Variants in FOXO3 observed in about 807,000 individuals in gnomAD.
FOXO3 encodes the protein forkhead box O3, also known as forkhead box protein O3.
FOXO3 carries 4 observed loss-of-function variants against 41.9 expected under a neutral mutation model. That is an observed-to-expected ratio of 0.10 (90% CI 0.05 to 0.22). The LOEUF (loss-of-function observed/expected upper bound fraction) is 0.22, where lower values mean the gene tolerates loss of function less well. Among genes scored for constraint, FOXO3 ranks in the 10% least tolerant of loss-of-function variants. FOXO3 has a pLI of 1.00. For missense variants in FOXO3, 534 were observed against 906.8 expected (o/e 0.59, Z 5.28); for synonymous variants, 318 against 389.3 (o/e 0.82, Z 2.16).
At chr6:108,661,249 G>A (rs561080901) in intron 1 of FOXO3, among the ~76,000 whole-genome samples, 7 of 151,960 alleles carry the variant, frequency 4.6e-5, no homozygotes, top group South Asian at 2.1e-4. Context: ...CTCGGGCGGC[G>A]GGGGGAACAT....
At chr6:108,642,366 C>G (rs1352294822) in intron 1 of FOXO3, among the ~76,000 whole-genome samples, 1 of 152,088 alleles carries the variant, frequency 6.6e-6, no homozygotes, top group Admixed American at 6.6e-5. Context: ...GCTGGTGTTA[C>G]AGGTCTGAGC....
At chr6:108,601,332 C>G (rs1388312135) in intron 1 of FOXO3, among the ~76,000 whole-genome samples, 1 of 152,090 alleles carries the variant, frequency 6.6e-6, no homozygotes, top group Non-Finnish European at 1.5e-5. Context: ...GAGACAGAGT[C>G]TTGCTCTGTT....
intron 1 of FOXO3, among the ~76,000 whole-genome samples, chr6:108,565,621 G>T (rs1775929743): frequency 6.6e-6 from 1 of 152,120 alleles, no homozygotes; most frequent in South Asian, 2.1e-4. Context: ...AAGTGTGGGG[G>T]ATACTGTGTT....
chr6:108,618,595 AG>A (rs1777580691), intron 1 of FOXO3, among the ~76,000 whole-genome samples: 1 of 152,226 alleles, frequency 6.6e-6, no homozygotes. Context: ...ATCTGCCGTA[AG>A]GCAGTATTCT....
chr6:108,623,199 G>T (rs1777717549), intron 1 of FOXO3, among the ~76,000 whole-genome samples: 1 of 152,166 alleles, frequency 6.6e-6, no homozygotes, highest in African/African-American at 2.4e-5. Context: ...TCTGGAAGGG[G>T]TGGGGCAGAG....
At chr6:108,656,027 G>C (rs1778675573) in intron 1 of FOXO3, among the ~76,000 whole-genome samples, 1 of 152,040 alleles carries the variant, frequency 6.6e-6, no homozygotes, top group South Asian at 2.1e-4. Flanking sequence ...AGGACCAGGA[G>C]ACGCCTGCAG....
At chr6:108,629,135 A>C (rs1777890914) in intron 1 of FOXO3, among the ~76,000 whole-genome samples, 1 of 152,086 alleles carries the variant, frequency 6.6e-6, no homozygotes, top group Non-Finnish European at 1.5e-5. Context: ...TCCTAGCAAA[A>C]AGTAAATTTA....
At chr6:108,635,159 G>C (rs1324091887) in intron 1 of FOXO3, among the ~76,000 whole-genome samples, 4 of 151,972 alleles carry the variant, frequency 2.6e-5, no homozygotes, top group Non-Finnish European at 5.9e-5. Context: ...AAATTAGCTG[G>C]GTGTGGTGGC....
chr6:108,640,576 G>T (rs1190614043), intron 1 of FOXO3, among the ~76,000 whole-genome samples: 1 of 151,982 alleles, frequency 6.6e-6, no homozygotes, highest in Non-Finnish European at 1.5e-5. Context: ...TTTTTTTAAT[G>T]CATCGTTTTC....
At chr6:108,611,151 G>A (rs78971984) in intron 1 of FOXO3, among the ~76,000 whole-genome samples, 1,851 of 152,188 alleles carry the variant, frequency 0.012, 32 homozygotes, top group East Asian at 0.055. Context: ...GAGTGCATTT[G>A]AGATTCATCC....
chr6:108,676,468 C>T (rs1233436925), intron 2 of FOXO3, among the ~76,000 whole-genome samples: 3 of 152,134 alleles, frequency 2.0e-5, no homozygotes, highest in Non-Finnish European at 4.4e-5. Flanking sequence ...TCTCCAACTC[C>T]TGGTCTCAAG....
intron 1 of FOXO3, among the ~76,000 whole-genome samples, chr6:108,577,521 T>C (rs1483404071): frequency 6.6e-6 from 1 of 152,212 alleles, no homozygotes; most frequent in Non-Finnish European, 1.5e-5. Flanking sequence ...CATCAGTGGT[T>C]TTCAACCCTG....
chr6:108,561,138 C>G lies in FOXO3; in HGVS notation c.-71C>G. The G allele has an allele frequency of 6.8e-7, 1 of 1,477,184 alleles. No individual in the cohort carries two copies. Among genetic ancestry groups the G allele is most frequent in the Non-Finnish European group, 8.9e-7 (1 of 1,120,610 alleles). 91.5% of individuals were successfully genotyped at this position (1,477,184 alleles called of 1,614,324 possible). ...AGCCTTCGCGGCGTCCACGTCCCTCCCCCGCTGCACCCCGCCCCGGCGCGA... is the reference window on the plus strand; with the variant it reads ...AGCCTTCGCGGCGTCCACGTCCCTCGCCCGCTGCACCCCGCCCCGGCGCGA... On this transcript the variant is annotated 5_prime_UTR_variant, in exon 1 of 3. Coordinates refer to ENST00000406360, the MANE Select transcript of FOXO3 (RefSeq NM_001455.4).
At chr6:108,678,410 A>G (rs1181557953) in intron 2 of FOXO3, among the ~76,000 whole-genome samples, 3 of 151,816 alleles carry the variant, frequency 2.0e-5, no homozygotes, top group Non-Finnish European at 2.9e-5. Context: ...AACTGCCAAC[A>G]CTATCTCCAT....
At position 108,683,832 on chromosome 6, in the gene FOXO3, G is replaced by A. The variant is rs969051949; in HGVS notation, c.*4040G>A. 6.6e-6 allele frequency: 1 copy of A among 151,296 alleles called. No individual in the cohort carries two copies. The highest frequency in any genetic ancestry group is 1.5e-5 in the Non-Finnish European group (1 of 67,988). 9.4% of individuals were successfully genotyped at this position (151,296 alleles called of 1,614,324 possible). On this transcript the variant is annotated 3_prime_UTR_variant, in exon 3 of 3. Coordinates refer to ENST00000406360, the MANE Select transcript of FOXO3 (RefSeq NM_001455.4). ...TGTTAAAAAAAAAAATTTTTTTTTGGTAGAAATGCAATCACCAGTAAAGAG... is the reference window on the plus strand; with the variant it reads ...TGTTAAAAAAAAAAATTTTTTTTTGATAGAAATGCAATCACCAGTAAAGAG...
At chr6:108,609,719 C>T (rs1205055060) in intron 1 of FOXO3, among the ~76,000 whole-genome samples, 1 of 152,152 alleles carries the variant, frequency 6.6e-6, no homozygotes, top group African/African-American at 2.4e-5. Flanking sequence ...ACAAAGCGAC[C>T]TCTCTTTAAC....
At chr6:108,561,911 C>T (rs1264098836) in intron 1 of FOXO3, 82 bp downstream of exon 1, 11 of 1,467,486 alleles carry the variant, frequency 7.5e-6, no homozygotes, top group African/African-American at 1.5e-5. Flanking sequence ...CGTCGGAGTG[C>T]GCTTGCGGGC....
chr6:108,684,505 C>T lies in FOXO3; in HGVS notation c.*4713C>T, dbSNP rs1218897116. On this transcript the variant is annotated 3_prime_UTR_variant, in exon 3 of 3. Coordinates refer to ENST00000406360, the MANE Select transcript of FOXO3 (RefSeq NM_001455.4). Reference sequence around the variant, plus strand: ...AGACTTTGATTTGAAGCACCTCATCCTTCTTTCAATGCGAACACTATCATA... The same window carrying T: ...AGACTTTGATTTGAAGCACCTCATCTTTCTTTCAATGCGAACACTATCATA... The T allele has an allele frequency of 6.6e-6, 1 of 152,476 alleles. No individual in the cohort carries two copies. Among genetic ancestry groups the T allele is most frequent in the African/African-American group, 2.4e-5 (1 of 41,432 alleles). 9.4% of individuals were successfully genotyped at this position (152,476 alleles called of 1,614,324 possible). A position where few individuals can be genotyped will look rare whatever the true frequency, so the allele number is the denominator to read the frequency against.
intron 2 of FOXO3, among the ~76,000 whole-genome samples, chr6:108,673,303 C>T (rs1481995933): frequency 6.6e-6 from 1 of 152,192 alleles, no homozygotes. Flanking sequence ...AGGTGCAGGC[C>T]AAGCTGTAAG....
Sources: gnomAD v4.1 joint callset for allele counts (sites outside exome capture counted in the v4.1 genomes callset) on GRCh38, gnomAD v4.1.1 for gene constraint, MANE v1.5 for transcripts, NCBI Gene and HGNC (gene_info 2026-07-23, HGNC 2026-07-21) for gene names.